Variants in C22orf15 observed in about 807,000 individuals in gnomAD.
C22orf15 encodes the protein uncharacterized protein C22orf15.
Under a neutral mutation model 20.3 loss-of-function variants are expected in C22orf15, and 21 were observed. The observed-to-expected ratio is 1.04, with a 90% CI of 0.74 to 1.49. The LOEUF (loss-of-function observed/expected upper bound fraction) is 1.49. Ranked by LOEUF, C22orf15 falls within the 40% of genes most tolerant of loss-of-function variation. The pLI, the probability that C22orf15 is intolerant of heterozygous loss-of-function variation, is 0.00. For synonymous variants in C22orf15, 78 were observed against 75.4 expected, an observed-to-expected ratio of 1.03 and a Z score of -0.18; for missense variants, 170 against 191.1, an observed-to-expected ratio of 0.89 and a Z score of 0.65.
chr22:23,764,625 TC>T lies in C22orf15; in HGVS notation c.251-12del. On this transcript the variant is annotated splice_polypyrimidine_tract_variant and intron_variant, in intron 3 of 5. Coordinates refer to ENST00000402217, the MANE Select transcript of C22orf15 (RefSeq NM_182520.3). ...CCAGTCAGGTGTCCTTCATCGTCTC[TC>T]CACATGTCACAGAGGGAGAGGACAT... The T allele has an allele frequency of 1.2e-6, 2 of 1,613,986 alleles. No homozygotes were observed. Among genetic ancestry groups the T allele is most frequent in the Non-Finnish European group, 1.7e-6 (2 of 1,179,862 alleles).
intron 5 of C22orf15, chr22:23,765,374 C>G: frequency 6.4e-7 from 1 of 1,550,970 alleles, no homozygotes; most frequent in Non-Finnish European, 8.7e-7. Context: ...CTTGTGTGAT[C>G]AGGTGCAAAC....
intron 3 of C22orf15, 75 bp downstream of exon 3, chr22:23,764,472 C>G: frequency 6.2e-7 from 1 of 1,602,894 alleles, no homozygotes; most frequent in Non-Finnish European, 8.5e-7. Flanking sequence ...CCATAGACCA[C>G]CCAAGGCCCT....
Position 23,764,178 on chromosome 22 carries a change from G to A in C22orf15, c.112+5G>A. Reference sequence around the variant, plus strand: ...AAGCAGGGTTGCCCCCAGATGGTGAGGAGACAGGGAGGAGAAGGAGGGGCT... The same window carrying A: ...AAGCAGGGTTGCCCCCAGATGGTGAAGAGACAGGGAGGAGAAGGAGGGGCT... On this transcript the variant is annotated splice_donor_5th_base_variant and intron_variant, in intron 2 of 5. Transcript: ENST00000402217. 1 of 1,551,700 alleles carries A rather than the reference G, an allele frequency of 6.4e-7. No individual in the cohort carries two copies. Among genetic ancestry groups the A allele is most frequent in the Non-Finnish European group, 8.7e-7 (1 of 1,146,988 alleles).
rs186438407 is a variant in C22orf15 at position 23,765,826 on chromosome 22, C to T, written c.*94C>T. 7.4e-5 allele frequency: 113 copies of T among 1,530,028 alleles called. No homozygotes were observed. The highest frequency in any genetic ancestry group is 1.8e-6 in the Non-Finnish European group (2 of 1,129,364). 94.8% of individuals were successfully genotyped at this position (1,530,028 alleles called of 1,614,324 possible). On this transcript the variant is annotated 3_prime_UTR_variant, in exon 6 of 6. Coordinates refer to ENST00000402217, the MANE Select transcript of C22orf15 (RefSeq NM_182520.3). ...AAGACAGGCCATCGAGAGAGGCACA[C>T]AACAGGCTGTGGTCTAAAATAAACT... is the stretch of plus-strand genomic sequence containing the variant.
Position 23,764,269 on chromosome 22 carries a change from C to G in C22orf15, c.122C>G (p.Ala41Gly), listed in dbSNP as rs1926262520. Reference sequence around the variant, plus strand: ...CTCCATGTCCTCCCAGCGACCATTGCTCTCCTGGCTGAGGATGGCAACCTA... The same window carrying G: ...CTCCATGTCCTCCCAGCGACCATTGGTCTCCTGGCTGAGGATGGCAACCTA... ...KAGLPPDATI[A>G]LLAEDGNLVS... Residue 41 changes from alanine (A) to glycine (G), a missense_variant, in exon 3 of 6, where the codon GCT (alanine) becomes GGT (glycine). By Grantham distance (60) the Ala-to-Gly change is moderately conservative. Transcript: ENST00000402217. The G allele has an allele frequency of 5.8e-6, 9 of 1,551,696 alleles. No individual in the cohort carries two copies. In the East Asian group the frequency reaches 2.2e-4, roughly 38 times the overall value.
chr22:23,763,367 G>A (rs1569144286), intron 1 of C22orf15, 36 bp downstream of exon 1: 4 of 1,542,088 alleles, frequency 2.6e-6, no homozygotes, highest in Non-Finnish European at 3.5e-6. Context: ...GGCGGATAGG[G>A]GGATGAGCAC....
Position 23,764,240 on chromosome 22 carries a change from C to G in C22orf15, c.113-20C>G. On this transcript the variant is annotated intron_variant, in intron 2 of 5. Coordinates refer to ENST00000402217, the MANE Select transcript of C22orf15 (RefSeq NM_182520.3). ...GGCAGGGGTGCCAGCCCTGCCCAGTCTCTCTCCATGTCCTCCCAGCGACCA... is the reference window on the plus strand; with the variant it reads ...GGCAGGGGTGCCAGCCCTGCCCAGTGTCTCTCCATGTCCTCCCAGCGACCA... 6.4e-7 allele frequency: 1 copy of G among 1,551,622 alleles called. No individual in the cohort carries two copies. Among genetic ancestry groups the G allele is most frequent in the Non-Finnish European group, 8.7e-7 (1 of 1,146,940 alleles).
intron 1 of C22orf15, 22 bp downstream of exon 1, chr22:23,763,353 G>A (rs1926016469): frequency 1.3e-6 from 2 of 1,545,898 alleles, no homozygotes; most frequent in African/African-American, 2.8e-5. Flanking sequence ...CCCCTGTCTT[G>A]GTAGGCGGAT....
In C22orf15 at chr22:23,764,186, G is replaced by A; in HGVS notation, c.112+13G>A. ...TTGCCCCCAGATGGTGAGGAGACAG[G>A]GAGGAGAAGGAGGGGCTGAGGGGTC... is the stretch of plus-strand genomic sequence containing the variant. On this transcript the variant is annotated intron_variant, in intron 2 of 5. Coordinates refer to ENST00000402217, the MANE Select transcript of C22orf15 (RefSeq NM_182520.3). 1 of 1,551,648 alleles carries A rather than the reference G, an allele frequency of 6.4e-7. No homozygotes were observed. The highest frequency in any genetic ancestry group is 1.2e-5 in the South Asian group (1 of 84,066).
At position 23,765,357 on chromosome 22, in the gene C22orf15, C is replaced by A. The variant is rs752983599; in HGVS notation, c.436-364C>A. 8 of 1,550,860 alleles carry A rather than the reference C, an allele frequency of 5.2e-6. No individual in the cohort carries two copies. The South Asian group carries it at 7.1e-5, about 14-fold the overall frequency. Reference sequence around the variant, plus strand: ...TCAGACCCAAGGGGGTTAGCCATGACCTCTGCCTTGTGTGATCAGGTGCAA... The same window carrying A: ...TCAGACCCAAGGGGGTTAGCCATGAACTCTGCCTTGTGTGATCAGGTGCAA... On this transcript the variant is annotated intron_variant, in intron 5 of 5. Coordinates refer to ENST00000402217, the MANE Select transcript of C22orf15 (RefSeq NM_182520.3).
chr22:23,763,313 A>G lies in C22orf15; in HGVS notation c.7A>G (p.Ile3Val), dbSNP rs1339199948. 2.6e-6 allele frequency: 4 copies of G among 1,550,014 alleles called. No homozygotes were observed. In the Admixed American group the frequency reaches 7.9e-5, roughly 31 times the overall value. MF[I>V]KVMFGAGCSV... ...TCCCTCACCCGCTGCAGCTATGTTT[A>G]TCAAGGTGATGTTTGGGGGTAAGTG... Residue 3 changes from isoleucine to valine, a missense_variant, in exon 1 of 6, where the codon ATC becomes GTC. By Grantham distance (29) the Ile-to-Val change is conservative (BLOSUM62 3). Transcript: ENST00000402217.
At chr22:23,764,494 C>T (rs755893577) in intron 3 of C22orf15, 97 bp downstream of exon 3, 11 of 1,574,944 alleles carry the variant, frequency 7.0e-6, no homozygotes, top group Admixed American at 3.3e-5. Flanking sequence ...TCCGGCCTCC[C>T]ACCTCGGCTG....
At position 23,764,801 on chromosome 22, in the gene C22orf15, C is replaced by T. The variant is rs946576566; in HGVS notation, c.334C>T (p.Arg112Cys). 57 of 1,613,968 alleles carry T rather than the reference C, an allele frequency of 3.5e-5. No homozygotes were observed. Among genetic ancestry groups the T allele is most frequent in the African/African-American group, 8.0e-5 (6 of 74,940 alleles). Reference sequence around the variant, plus strand: ...CTTCCTGGGCCTTCCAGAGGAACTGCGCAGGCTGTCAGGCCTCTCCTCTGT... The same window carrying T: ...CTTCCTGGGCCTTCCAGAGGAACTGTGCAGGCTGTCAGGCCTCTCCTCTGT... The part of the protein sequence containing the change: ...DHYPELAEEL[R>C]RLSGLSSVGH... Residue 112 changes from arginine (R) to cysteine (C), a missense_variant, in exon 5 of 6, where the codon CGC (arginine) becomes TGC (cysteine). By Grantham distance (180) the Arg-to-Cys change is radical. Coordinates refer to ENST00000402217, the MANE Select transcript of C22orf15 (RefSeq NM_182520.3).
chr22:23,764,319 G>A lies in C22orf15; in HGVS notation c.172G>A (p.Glu58Lys), dbSNP rs143257161. ...NLVSLEEDLK[E>K]GASRAQTMGN... ...AGTGAGCCTGGAGGAGGACCTGAAG[G>A]AAGGGGCTTCCCGGGCCCAGACCAT... Residue 58 changes from glutamate (E) to lysine (K), a missense_variant, in exon 3 of 6, where the codon GAA (glutamate) becomes AAA (lysine). Physicochemically the swap from Glu to Lys is moderately conservative, Grantham distance 56. Coordinates refer to ENST00000402217, the MANE Select transcript of C22orf15 (RefSeq NM_182520.3). 8.7e-4 allele frequency: 1,343 copies of A among 1,551,654 alleles called. 2 individuals carry two copies. Among genetic ancestry groups the A allele is most frequent in the Middle Eastern group, 6.8e-3 (41 of 5,992 alleles).
At position 23,763,041 on chromosome 22, in the gene C22orf15, C is replaced by G; in HGVS notation, c.-266C>G. Reference sequence around the variant, plus strand: ...AGACCAGCTTGGAAGCTTAGGGGAGCTGCTGTGGCCCAGGGCTCAGTGGGG... The same window carrying G: ...AGACCAGCTTGGAAGCTTAGGGGAGGTGCTGTGGCCCAGGGCTCAGTGGGG... On this transcript the variant is annotated 5_prime_UTR_variant, in exon 1 of 6. Coordinates refer to ENST00000402217, the MANE Select transcript of C22orf15 (RefSeq NM_182520.3). 1 of 506,602 alleles carries G rather than the reference C, an allele frequency of 2.0e-6. No individual in the cohort carries two copies. 31.4% of individuals were successfully genotyped at this position (506,602 alleles called of 1,614,324 possible).
At chr22:23,765,356 A>T (rs1926604350) in intron 5 of C22orf15, 29 of 1,550,602 alleles carry the variant, frequency 1.9e-5, no homozygotes, top group Non-Finnish European at 2.5e-5. Flanking sequence ...GTTAGCCATG[A>T]CCTCTGCCTT....
At position 23,764,142 on chromosome 22, in the gene C22orf15, C is replaced by G; in HGVS notation, c.81C>G (p.His27Gln). 1 of 1,551,604 alleles carries G rather than the reference C, an allele frequency of 6.4e-7. No homozygotes were observed. Among genetic ancestry groups the G allele is most frequent in the Non-Finnish European group, 8.7e-7 (1 of 1,146,996 alleles). The change falls in exon 2 of 6, where the codon CAC becomes CAG. Residue 27 changes from histidine to glutamine, a missense_variant. His to Gln is a conservative substitution (Grantham distance 24). Transcript: ENST00000402217. ...TSCRLVNLTAHLRQKAGLPPD... is the reference protein window; with the variant it reads ...TSCRLVNLTAQLRQKAGLPPD... ...GCAGGCTGGTGAACCTCACCGCCCA[C>G]CTGAGGCAGAAAGCAGGGTTGCCCC... is the stretch of plus-strand genomic sequence containing the variant.
chr22:23,764,001 AGGGAGAGAT>A, intron 1 of C22orf15, 77 bp from the exon 2 acceptor site: 1 of 1,320,634 alleles, frequency 7.6e-7, no homozygotes, highest in Non-Finnish European at 1.1e-6. Context: ...GCTCTGGGAA[AGGGAGAGAT>A]GGGAGGGAGA....
In C22orf15 at chr22:23,764,690, A is replaced by G. The variant is rs776435213; in HGVS notation, c.302A>G (p.Asp101Gly). 2 of 1,614,188 alleles carry G rather than the reference A, an allele frequency of 1.2e-6. No individual in the cohort carries two copies. The highest frequency in any genetic ancestry group is 1.7e-6 in the Non-Finnish European group (2 of 1,180,024). ...TRYESLLENL[D>G]DHYPELAEEL... ...TATGAGTCCCTATTGGAGAACCTGG[A>G]TGACCATTACCCAGAGCTGGCAGGT... The change falls in exon 4 of 6, where the codon GAT becomes GGT. Residue 101 changes from aspartate to glycine, a missense_variant. Asp to Gly is a moderately conservative substitution (Grantham distance 94). Coordinates refer to ENST00000402217, the MANE Select transcript of C22orf15 (RefSeq NM_182520.3).
Sources: allele counts gnomAD v4.1 joint callset, GRCh38; gene constraint gnomAD v4.1.1; transcripts MANE v1.5; gene names NCBI Gene and HGNC (gene_info 2026-07-23, HGNC 2026-07-21).